The following SLCO1B3 variants were observed in gnomAD, a reference collection of about 807,000 sequenced individuals.
SLCO1B3 encodes the protein liver-specific organic anion transporter 2.
In SLCO1B3, 72 loss-of-function variants were observed where a neutral mutation model predicts 71.8. The ratio of observed to expected loss-of-function variants is 1.00; its 90% confidence interval spans 0.83 to 1.22. The LOEUF (loss-of-function observed/expected upper bound fraction) is 1.22, where lower values mean the gene tolerates loss of function less well. Among genes scored for constraint, SLCO1B3 ranks in the 50% most tolerant of loss-of-function variants. The pLI is 0.00. For synonymous variants in SLCO1B3, 298 were observed against 278.4 expected (o/e 1.07, Z -0.70); for missense variants, 911 against 819.7 (o/e 1.11, Z -1.36).
At chr12:20,867,432 CAA>C (rs767081668) in intron 8 of SLCO1B3, among the ~76,000 whole-genome samples, 3 of 131,360 alleles carry the variant, frequency 2.3e-5, no homozygotes, top group South Asian at 2.4e-4. Context: ...TGGATATGGC[CAA>C]AAAAAAAAAA....
At chr12:20,897,270 A>G (rs180682102) in intron 13 of SLCO1B3, among the ~76,000 whole-genome samples, 37 of 152,300 alleles carry the variant, frequency 2.4e-4, no homozygotes, top group African/African-American at 8.4e-4. Flanking sequence ...CTTTCAATGT[A>G]TTATGTTTAA....
chr12:20,825,686 C>G (rs1371944421), intron 3 of SLCO1B3, among the ~76,000 whole-genome samples: 5 of 151,388 alleles, frequency 3.3e-5, no homozygotes, highest in Non-Finnish European at 7.4e-5. Context: ...GTAATCCCAG[C>G]TGCTCAGAAA....
At chr12:20,894,305 G>A (rs975851067) in intron 13 of SLCO1B3, among the ~76,000 whole-genome samples, 13 of 152,288 alleles carry the variant, frequency 8.5e-5, no homozygotes, top group African/African-American at 2.2e-4. Flanking sequence ...ATGCACGAGC[G>A]TGTGCACATC....
chr12:20,893,162 C>T (rs572666664), intron 13 of SLCO1B3, among the ~76,000 whole-genome samples: 1 of 152,186 alleles, frequency 6.6e-6, no homozygotes, highest in Non-Finnish European at 1.5e-5. Flanking sequence ...GTTATGAGGA[C>T]TGGGATGGCC....
At chr12:20,901,550 C>T (rs993523012) in intron 15 of SLCO1B3, 83 bp downstream of exon 15, 15 of 677,190 alleles carry the variant, frequency 2.2e-5, no homozygotes, top group Admixed American at 1.7e-4. Context: ...TTAGTGTGAT[C>T]GTAATATTAA....
intron 15 of SLCO1B3, among the ~76,000 whole-genome samples, chr12:20,912,865 A>T (rs1398098016): frequency 3.0e-5 from 2 of 67,006 alleles, no homozygotes; most frequent in Non-Finnish European, 8.3e-5. Flanking sequence ...GGGTTTCACC[A>T]TGTTGTTCAC....
intron 9 of SLCO1B3, 124 bp downstream of exon 9, chr12:20,875,601 C>G (rs1431521074): frequency 3.0e-6 from 3 of 1,009,574 alleles, no homozygotes; most frequent in African/African-American, 3.3e-5. Context: ...CTAAATTTAG[C>G]TGAATTATTT....
At chr12:20,857,243 A>G (rs1450139667) in intron 4 of SLCO1B3, among the ~76,000 whole-genome samples, 3 of 152,090 alleles carry the variant, frequency 2.0e-5, no homozygotes, top group Non-Finnish European at 2.9e-5. Flanking sequence ...CCGAGACTCT[A>G]TCTTTCTACG....
intron 15 of SLCO1B3, among the ~76,000 whole-genome samples, chr12:20,905,683 C>T (rs1866229838): frequency 6.6e-6 from 1 of 152,172 alleles, no homozygotes; most frequent in Admixed American, 6.5e-5. Flanking sequence ...CCATAAGTTC[C>T]TCATCTCCAT....
intron 3 of SLCO1B3, among the ~76,000 whole-genome samples, chr12:20,832,918 C>T (rs527487694): frequency 6.6e-6 from 1 of 150,872 alleles, no homozygotes; most frequent in African/African-American, 2.4e-5. Context: ...TGTTTGCGCA[C>T]GTGTGTTTAA....
chr12:20,860,599 TTG>T (rs34409706), intron 5 of SLCO1B3, among the ~76,000 whole-genome samples: 20,548 of 146,454 alleles, frequency 0.14, 1,728 homozygotes, highest in African/African-American at 0.25. Context: ...GTCAAGCACT[TTG>T]TGTGTGTGTG....
At chr12:20,863,590 C>T (rs2121257232) in intron 8 of SLCO1B3, among the ~76,000 whole-genome samples, 1 of 152,260 alleles carries the variant, frequency 6.6e-6, no homozygotes, top group South Asian at 2.1e-4. Flanking sequence ...GTAGATCCAA[C>T]TGGGGTTTAG....
chr12:20,820,671 GT>G (rs1864281683), intron 3 of SLCO1B3, among the ~76,000 whole-genome samples: 1 of 152,150 alleles, frequency 6.6e-6, no homozygotes, highest in Non-Finnish European at 1.5e-5. Context: ...AATTTTTGGA[GT>G]TTTATTTAAT....
chr12:20,863,196 A>G (rs1314549764), intron 8 of SLCO1B3, among the ~76,000 whole-genome samples: 5 of 148,696 alleles, frequency 3.4e-5, no homozygotes, highest in Non-Finnish European at 7.5e-5. Flanking sequence ...GATGTGTAGA[A>G]CTCAGATGTT....
At chr12:20,909,709 TTTTTG>T (rs957835943) in intron 15 of SLCO1B3, among the ~76,000 whole-genome samples, 1 of 152,078 alleles carries the variant, frequency 6.6e-6, no homozygotes, top group East Asian at 1.9e-4. Flanking sequence ...GAGCAGAATT[TTTTTG>T]TTTTGTTTTG....
chr12:20,911,430 G>A (rs976160401), intron 15 of SLCO1B3, among the ~76,000 whole-genome samples: 1 of 152,030 alleles, frequency 6.6e-6, no homozygotes, highest in Non-Finnish European at 1.5e-5. Flanking sequence ...TGTCTGCTTT[G>A]GGTATTAGGA....
chr12:20,881,125 G>C (rs1865686405), intron 12 of SLCO1B3, 105 bp downstream of exon 12: 1 of 816,480 alleles, frequency 1.2e-6, no homozygotes, highest in African/African-American at 1.8e-5. Context: ...CCAATAAAAA[G>C]ATAAAACAAA....
chr12:20,901,649 A>C (rs1866136538), intron 15 of SLCO1B3, among the ~76,000 whole-genome samples, 182 bp downstream of exon 15: 1 of 152,208 alleles, frequency 6.6e-6, no homozygotes. Context: ...TAGAAACTGT[A>C]GGAAATGTAT....
intron 4 of SLCO1B3, among the ~76,000 whole-genome samples, chr12:20,857,126 T>A (rs912966935): frequency 6.6e-6 from 1 of 152,218 alleles, no homozygotes; most frequent in African/African-American, 2.4e-5. Context: ...TCTACTGTTT[T>A]ATAACATTCA....
Sources: gnomAD v4.1 joint callset for allele counts (sites outside exome capture counted in the v4.1 genomes callset) on GRCh38, gnomAD v4.1.1 for gene constraint, MANE v1.5 for transcripts, NCBI Gene and HGNC (gene_info 2026-07-23, HGNC 2026-07-21) for gene names.